Variants in CAMKMT observed in about 807,000 individuals in gnomAD.
The protein encoded by CAMKMT is CaM KMT.
Under a neutral mutation model 48.0 loss-of-function variants are expected in CAMKMT, and 53 were observed. That is an observed-to-expected ratio of 1.10 (90% CI 0.89 to 1.39). The LOEUF (loss-of-function observed/expected upper bound fraction) is 1.39, where lower values mean the gene tolerates loss of function less well. CAMKMT is among the 40% of genes most tolerant of loss of function. The probability of loss-of-function intolerance (pLI) is 0.00; values close to 1 mark genes in which losing one functional copy is unlikely to be tolerated. For missense variants in CAMKMT, 428 were observed against 402.7 expected (o/e 1.06, Z -0.54); for synonymous variants, 165 against 152.3 (o/e 1.08, Z -0.61).
intron 2 of CAMKMT, among the ~76,000 whole-genome samples, chr2:44,386,615 G>T (rs1232875411): frequency 2.0e-5 from 3 of 152,002 alleles, no homozygotes; most frequent in African/African-American, 7.2e-5. Flanking sequence ...TAGACTGTCA[G>T]TTTGTGCTCT....
chr2:44,371,053 C>T (rs777599418), intron 1 of CAMKMT, among the ~76,000 whole-genome samples: 13 of 152,294 alleles, frequency 8.5e-5, no homozygotes, highest in South Asian at 2.1e-4. Context: ...GGCACAATCT[C>T]GGCTTACTGC....
At chr2:44,454,828 A>G (rs1558628487) in intron 3 of CAMKMT, among the ~76,000 whole-genome samples, 1 of 152,208 alleles carries the variant, frequency 6.6e-6, no homozygotes, top group African/African-American at 2.4e-5. Context: ...TCTTGACATG[A>G]AAGAATTGGT....
intron 3 of CAMKMT, among the ~76,000 whole-genome samples, chr2:44,639,288 G>A (rs532603465): frequency 1.1e-4 from 16 of 152,300 alleles, no homozygotes; most frequent in Non-Finnish European, 2.4e-4. Context: ...TAATGAATAT[G>A]ACCAGATTAT....
chr2:44,397,999 A>T, intron 3 of CAMKMT, among the ~76,000 whole-genome samples: 1 of 152,222 alleles, frequency 6.6e-6, no homozygotes, highest in Non-Finnish European at 1.5e-5. Context: ...AGCACAAGAT[A>T]TGCCAAGAAA....
chr2:44,559,003 A>T (rs1181386101), intron 3 of CAMKMT, among the ~76,000 whole-genome samples: 1 of 152,162 alleles, frequency 6.6e-6, no homozygotes, highest in East Asian at 1.9e-4. Context: ...ATAGATAGAT[A>T]GATAAACAGA....
At chr2:44,566,297 A>G (rs1572815966) in intron 3 of CAMKMT, among the ~76,000 whole-genome samples, 2 of 152,346 alleles carry the variant, frequency 1.3e-5, no homozygotes, top group Middle Eastern at 3.4e-3. Context: ...AAATTTTGAC[A>G]TATGGGTCTT....
At chr2:44,635,207 A>C (rs775657364) in intron 3 of CAMKMT, among the ~76,000 whole-genome samples, 8 of 152,186 alleles carry the variant, frequency 5.3e-5, no homozygotes, top group African/African-American at 1.9e-4. Flanking sequence ...TGAATGGAGC[A>C]TAAGGTGTCT....
intron 3 of CAMKMT, among the ~76,000 whole-genome samples, chr2:44,459,471 C>G (rs1159167218): frequency 1.3e-5 from 2 of 152,076 alleles, no homozygotes; most frequent in Admixed American, 6.5e-5. Flanking sequence ...TTATTTAGAA[C>G]ATTTATTTTA....
chr2:44,737,024 A>G (rs940152566), intron 7 of CAMKMT, among the ~76,000 whole-genome samples: 2 of 152,000 alleles, frequency 1.3e-5, no homozygotes, highest in African/African-American at 4.8e-5. Flanking sequence ...TCAATTTTTT[A>G]TATGTCTGGC....
intron 3 of CAMKMT, among the ~76,000 whole-genome samples, chr2:44,702,077 A>G (rs1188068613): frequency 6.6e-6 from 1 of 152,086 alleles, no homozygotes. Context: ...TAGAAGTCGC[A>G]TTTTTGTACT....
chr2:44,735,405 A>G (rs1369424957), intron 7 of CAMKMT, among the ~76,000 whole-genome samples: 1 of 152,006 alleles, frequency 6.6e-6, no homozygotes, highest in African/African-American at 2.4e-5. Context: ...TTTGTGTTTC[A>G]TCTATTCTTT....
intron 3 of CAMKMT, among the ~76,000 whole-genome samples, chr2:44,489,488 C>T (rs1375205753): frequency 4.6e-5 from 7 of 152,096 alleles, no homozygotes; most frequent in Non-Finnish European, 1.5e-5. Flanking sequence ...TCAGATGATC[C>T]ACCTGCCTTG....
chr2:44,453,731 C>A (rs1667416951), intron 3 of CAMKMT, among the ~76,000 whole-genome samples: 1 of 152,050 alleles, frequency 6.6e-6, no homozygotes, highest in South Asian at 2.1e-4. Flanking sequence ...AATATGTAAT[C>A]AGCTTTTAAT....
At chr2:44,450,433 T>C (rs547654587) in intron 3 of CAMKMT, among the ~76,000 whole-genome samples, 1 of 152,254 alleles carries the variant, frequency 6.6e-6, no homozygotes, top group East Asian at 1.9e-4. Context: ...GTTTTGAAGA[T>C]CTTAGCGTTA....
At chr2:44,491,323 A>G (rs1270142061) in intron 3 of CAMKMT, among the ~76,000 whole-genome samples, 1 of 152,178 alleles carries the variant, frequency 6.6e-6, no homozygotes, top group Non-Finnish European at 1.5e-5. Flanking sequence ...TTCAAAAAAA[A>G]TAATAAAATT....
intron 9 of CAMKMT, among the ~76,000 whole-genome samples, chr2:44,754,862 A>C (rs1308614784): frequency 2.6e-5 from 4 of 152,108 alleles, no homozygotes; most frequent in Admixed American, 2.6e-4. Context: ...AAAAAAAAAA[A>C]ACCTTATAAC....
intron 3 of CAMKMT, among the ~76,000 whole-genome samples, chr2:44,607,306 C>G (rs747659781): frequency 3.7e-4 from 56 of 152,126 alleles, no homozygotes; most frequent in Middle Eastern, 3.2e-3. Flanking sequence ...ATGTTTATCA[C>G]AGTGGAAATG....
chr2:44,766,743 A>G (rs1335615683), intron 10 of CAMKMT, among the ~76,000 whole-genome samples, 182 bp downstream of exon 10: 1 of 149,264 alleles, frequency 6.7e-6, no homozygotes, highest in Non-Finnish European at 1.5e-5. Flanking sequence ...TTGCATGTCT[A>G]GAAGGATTTT....
intron 7 of CAMKMT, among the ~76,000 whole-genome samples, chr2:44,726,054 G>A (rs773130390): frequency 1.3e-5 from 2 of 152,166 alleles, no homozygotes; most frequent in Non-Finnish European, 2.9e-5. Flanking sequence ...TGTGCTCAAT[G>A]TTTAGCTCCC....
Sources: allele counts gnomAD v4.1 joint callset (sites outside exome capture counted in the v4.1 genomes callset), GRCh38; gene constraint gnomAD v4.1.1; transcripts MANE v1.5; gene names NCBI Gene and HGNC (gene_info 2026-07-23, HGNC 2026-07-21).